The following SQOR variants were observed in gnomAD, a reference collection of about 807,000 sequenced individuals.
SQOR encodes the protein sulfide quinone oxidoreductase.
A neutral mutation model predicts 48.6 loss-of-function variants in SQOR; 39 were observed. That is an observed-to-expected ratio of 0.80 (90% CI 0.62 to 1.05). The LOEUF (loss-of-function observed/expected upper bound fraction) is 1.05, where lower values mean the gene tolerates loss of function less well. Among genes scored for constraint, SQOR ranks in the 50% least tolerant of loss-of-function variants. The pLI is 0.00. For missense variants in SQOR, 561 were observed against 559.9 expected, an observed-to-expected ratio of 1.00 and a Z score of -0.02; for synonymous variants, 220 against 206.2, an observed-to-expected ratio of 1.07 and a Z score of -0.57.
chr15:45,673,443 C>T lies in SQOR; in HGVS notation c.460-164C>T, dbSNP rs548579149. On this transcript the variant is annotated intron_variant, in intron 4 of 9. Transcript: ENST00000260324. ...TGACAGGTGACTACAGGTGCCACAG[C>T]TCTGGTCTTAGAACCCTCACCCACC... is the stretch of plus-strand genomic sequence containing the variant. Among the ~76,000 whole-genome samples, 30 of 152,252 alleles carry T rather than the reference C, an allele frequency of 2.0e-4. No individual in the cohort carries two copies. The South Asian group carries it at 6.2e-3, about 32-fold the overall frequency.
At chr15:45,647,280 A>T (rs1487223284) in intron 1 of SQOR, among the ~76,000 whole-genome samples, 2 of 145,504 alleles carry the variant, frequency 1.4e-5, no homozygotes, top group African/African-American at 2.6e-5. Flanking sequence ...ACATATATTC[A>T]CTCTCACCTC....
chr15:45,683,799 G>T (rs1050139872), intron 7 of SQOR, among the ~76,000 whole-genome samples: 26 of 151,530 alleles, frequency 1.7e-4, no homozygotes, highest in African/African-American at 6.1e-4. Context: ...TTAATATTTT[G>T]TGACATTTGC....
intron 3 of SQOR, 71 bp from the exon 4 acceptor site, chr15:45,669,857 G>A: frequency 7.6e-7 from 1 of 1,314,694 alleles, no homozygotes; most frequent in Non-Finnish European, 1.1e-6. Context: ...AACCACATCT[G>A]GGGCCTGAGT....
At chr15:45,654,580 A>G (rs1286602279) in intron 1 of SQOR, among the ~76,000 whole-genome samples, 2 of 152,192 alleles carry the variant, frequency 1.3e-5, no homozygotes, top group Non-Finnish European at 2.9e-5. Flanking sequence ...GGAACCATGA[A>G]GTATTAGACT....
At chr15:45,647,078 G>A (rs535123340) in intron 1 of SQOR, among the ~76,000 whole-genome samples, 2 of 152,122 alleles carry the variant, frequency 1.3e-5, no homozygotes, top group Non-Finnish European at 2.9e-5. Context: ...GTGAAACTCA[G>A]TCTCTATTAA....
chr15:45,643,247 GT>G (rs1433697889), intron 1 of SQOR, among the ~76,000 whole-genome samples: 8 of 152,220 alleles, frequency 5.3e-5, no homozygotes, highest in African/African-American at 1.9e-4. Flanking sequence ...CCAGGCTGGA[GT>G]GTAGTGGTGC....
intron 1 of SQOR, among the ~76,000 whole-genome samples, chr15:45,644,061 TAG>T (rs1895153062): frequency 6.6e-6 from 1 of 152,274 alleles, no homozygotes; most frequent in South Asian, 2.1e-4. Context: ...AATTGCATTT[TAG>T]AGACGGCATA....
chr15:45,647,328 C>CT (rs532535956), intron 1 of SQOR, among the ~76,000 whole-genome samples: 41,722 of 140,476 alleles, frequency 0.3, 7,902 homozygotes, highest in East Asian at 0.64. Flanking sequence ...GCTACTTTAA[C>CT]TTTTTTTTTT....
intron 7 of SQOR, among the ~76,000 whole-genome samples, chr15:45,686,618 A>C (rs1890230466): frequency 6.6e-6 from 1 of 152,168 alleles, no homozygotes. Flanking sequence ...GTTTTTTCTC[A>C]TTATATAATA....
chr15:45,667,255 A>G (rs9744376), intron 3 of SQOR, among the ~76,000 whole-genome samples: 117,058 of 149,054 alleles, frequency 0.79, 46,285 homozygotes, highest in South Asian at 0.87. Context: ...GAGCCGATCT[A>G]CCTTAGCCTC....
Position 45,673,634 on chromosome 15 carries a change from C to G in SQOR, c.487C>G (p.His163Asp). 1 of 1,613,982 alleles carries G rather than the reference C, an allele frequency of 6.2e-7. No individual in the cohort carries two copies. Residue 163 changes from histidine to aspartate, a missense_variant, in exon 5 of 10, where the codon CAT (histidine) becomes GAT (aspartate). His to Asp is a moderately conservative substitution (Grantham distance 81). Coordinates refer to ENST00000260324, the MANE Select transcript of SQOR (RefSeq NM_021199.4). The stretch of plus-strand genomic sequence containing the variant: ...TAAAGGCCTACCTGAAGGTTTCGCT[C>G]ATCCCAAAATAGGGTCGAATTATTC... ...KIKGLPEGFA[H>D]PKIGSNYSVK...
chr15:45,634,225 T>TATATATATATATATATATATATATATATA (rs1566912034), upstream of SQOR, among the ~76,000 whole-genome samples: 145 of 125,800 alleles, frequency 1.2e-3, no homozygotes, highest in Non-Finnish European at 1.4e-3. Context: ...TATATATATA[T>TATATATATATATATATATATATATATATA]TCAAAATTCA....
chr15:45,653,331 T>G (rs1889531473), intron 1 of SQOR, among the ~76,000 whole-genome samples: 1 of 152,158 alleles, frequency 6.6e-6, no homozygotes, highest in Non-Finnish European at 1.5e-5. Context: ...GCTCCCATGA[T>G]CCATCCTCCT....
intron 3 of SQOR, among the ~76,000 whole-genome samples, chr15:45,664,772 T>C (rs997805322): frequency 6.6e-6 from 1 of 152,198 alleles, no homozygotes; most frequent in Non-Finnish European, 1.5e-5. Flanking sequence ...ATAGTTGTTA[T>C]TGATTTTACC....
chr15:45,689,163 T>A lies in SQOR; in HGVS notation c.1241T>A (p.Met414Lys), dbSNP rs777159250. ...PFDQSKERLS[M>K]YLMKADLMPF... Reference sequence around the variant, plus strand: ...GATCAAAGCAAAGAGCGCCTTTCCATGTATCTCATGAAAGCTGACCTGATG... The same window carrying A: ...GATCAAAGCAAAGAGCGCCTTTCCAAGTATCTCATGAAAGCTGACCTGATG... The change falls in exon 9 of 10, where the codon ATG (methionine) becomes AAG (lysine). Residue 414 changes from methionine (M) to lysine (K), a missense_variant. Met to Lys is a moderately conservative substitution (Grantham distance 95, BLOSUM62 -1). Transcript: ENST00000260324. 6 of 1,614,090 alleles carry A rather than the reference T, an allele frequency of 3.7e-6. No individual in the cohort carries two copies. In the East Asian group the frequency reaches 1.3e-4, roughly 36 times the overall value.
At position 45,682,790 on chromosome 15, in the gene SQOR, G is replaced by A. The variant is rs984167289; in HGVS notation, c.1048+129G>A. 21 of 1,065,884 alleles carry A rather than the reference G, an allele frequency of 2.0e-5. No individual in the cohort carries two copies. In the Admixed American group the frequency reaches 3.2e-4, roughly 16 times the overall value. 66.0% of individuals were successfully genotyped at this position (1,065,884 alleles called of 1,614,324 possible). A position where few individuals can be genotyped will look rare whatever the true frequency, so the allele number is the denominator to read the frequency against. ...TGCCTGTAATCCCAGCACTTTGGGA[G>A]ACTCAGGCAGGCAGGTCATTTGAGG... On this transcript the variant is annotated intron_variant, in intron 7 of 9. Coordinates refer to ENST00000260324, the MANE Select transcript of SQOR (RefSeq NM_021199.4).
intron 1 of SQOR, among the ~76,000 whole-genome samples, chr15:45,643,362 AT>A (rs1378308703): frequency 6.6e-6 from 1 of 152,006 alleles, no homozygotes; most frequent in Non-Finnish European, 1.5e-5. Context: ...CGCCCAGCTA[AT>A]TTTTTGTATT....
intron 7 of SQOR, among the ~76,000 whole-genome samples, chr15:45,683,816 G>A (rs908872810): frequency 1.3e-5 from 2 of 151,320 alleles, no homozygotes; most frequent in Non-Finnish European, 1.5e-5. Flanking sequence ...TTGCTTCATC[G>A]TATTTATGTA....
intron 9 of SQOR, 89 bp from the exon 10 acceptor site, chr15:45,690,884 G>A (rs1204663527): frequency 9.0e-7 from 1 of 1,112,584 alleles, no homozygotes; most frequent in East Asian, 2.3e-5. Context: ...TGCTCTGTGA[G>A]CAGCCTGGCT....
Sources: allele counts gnomAD v4.1 joint callset (sites outside exome capture counted in the v4.1 genomes callset), GRCh38; gene constraint gnomAD v4.1.1; transcripts MANE v1.5; gene names NCBI Gene and HGNC (gene_info 2026-07-23, HGNC 2026-07-21).